Variants in CLIC5 observed in about 807,000 individuals in gnomAD.
The protein encoded by CLIC5 is CLIC family member 5.
Under a neutral mutation model 24.7 loss-of-function variants are expected in CLIC5, and 20 were observed. The observed-to-expected ratio is 0.81, with a 90% CI of 0.57 to 1.18. CLIC5 has a LOEUF of 1.18. Among genes scored for constraint, CLIC5 ranks in the 50% most tolerant of loss-of-function variants. CLIC5 has a pLI of 0.00. For missense variants in CLIC5, 341 were observed against 326.1 expected (o/e 1.05, Z -0.35); for synonymous variants, 159 against 135.6 (o/e 1.17, Z -1.20).
At chr6:46,128,126 A>C in the CLIC5 span, among the ~76,000 whole-genome samples, 1 of 152,302 alleles carries the variant, frequency 6.6e-6, no homozygotes, top group South Asian at 2.1e-4. Flanking sequence ...AAATATATAG[A>C]GGATAACAAA....
At chr6:46,112,709 C>A in the CLIC5 span, among the ~76,000 whole-genome samples, 1 of 152,080 alleles carries the variant, frequency 6.6e-6, no homozygotes, top group African/African-American at 2.4e-5. Flanking sequence ...AGTGGGGATG[C>A]AGCAAAGGTT....
At position 46,026,560 on chromosome 6, in the gene CLIC5, AC is replaced by A. The variant is rs532077312; in HGVS notation, c.540+53142del. Among the ~76,000 whole-genome samples, 19 of 152,340 alleles carry A rather than the reference AC, an allele frequency of 1.2e-4. No homozygotes were observed. The East Asian group carries it at 3.7e-3, about 29-fold the overall frequency. ...CTCCTATCCCCATAAAACTTGGTTG[AC>A]AGAAAATCAGAGAGCATTATTTTAA... On this transcript the variant is annotated intron_variant, in intron 1 of 5. Coordinates refer to the CLIC5 transcript ENST00000185206.
At chr6:45,942,781 T>G (rs902857715) in intron 3 of CLIC5, among the ~76,000 whole-genome samples, 6 of 152,358 alleles carry the variant, frequency 3.9e-5, no homozygotes, top group African/African-American at 1.4e-4. Context: ...GGGGCCATGT[T>G]AGGTGGCTGT....
chr6:45,912,640 T>G (rs1040505780), intron 5 of CLIC5: 9 of 1,521,218 alleles, frequency 5.9e-6, no homozygotes, highest in Non-Finnish European at 3.5e-6. Flanking sequence ...TGGCAGCAAA[T>G]ACAGGACCGG....
At chr6:46,049,042 T>C (rs1247089611) in intron 1 of CLIC5, among the ~76,000 whole-genome samples, 1 of 152,170 alleles carries the variant, frequency 6.6e-6, no homozygotes, top group Non-Finnish European at 1.5e-5. Flanking sequence ...GGCCTCCTGT[T>C]TGAATATCCC....
intron 1 of CLIC5, among the ~76,000 whole-genome samples, chr6:46,024,043 G>A (rs1482416841): frequency 1.3e-5 from 2 of 152,102 alleles, no homozygotes; most frequent in African/African-American, 4.8e-5. Context: ...AGCAAGGGTT[G>A]GGGGGAAAGC....
At chr6:45,992,471 A>G (rs1765975999) in intron 1 of CLIC5, among the ~76,000 whole-genome samples, 1 of 152,232 alleles carries the variant, frequency 6.6e-6, no homozygotes, top group South Asian at 2.1e-4. Context: ...TCCTTCACGG[A>G]GAGATTCTTT....
At chr6:45,989,324 T>C (rs1406348391) in intron 1 of CLIC5, among the ~76,000 whole-genome samples, 3 of 152,198 alleles carry the variant, frequency 2.0e-5, no homozygotes, top group African/African-American at 7.2e-5. Context: ...GTGGAAGCTG[T>C]AGAGCTCTAT....
In CLIC5 at chr6:45,936,200, T is replaced by C. The variant is rs934127152; in HGVS notation, c.406+5347A>G. Among the ~76,000 whole-genome samples, 18 of 136,640 alleles carry C rather than the reference T, an allele frequency of 1.3e-4. No homozygotes were observed. In the East Asian group the frequency reaches 2.1e-3, roughly 16 times the overall value. The allele number at this position is 136,640 out of a possible 152,430, so 89.6% of individuals were successfully genotyped here. On this transcript the variant is annotated intron_variant, in intron 4 of 5. Transcript: ENST00000339561. ...ACTGCTCAGAACAACGGCTGACTTTTTTTTTTTTTTTTTTTTTTTTTGAGA... is the reference window on the plus strand; with the variant it reads ...ACTGCTCAGAACAACGGCTGACTTTCTTTTTTTTTTTTTTTTTTTTTGAGA...
At chr6:45,885,490 T>A (rs974270495) in intron 6 of CLIC5, among the ~76,000 whole-genome samples, 15 of 152,174 alleles carry the variant, frequency 9.9e-5, no homozygotes, top group Admixed American at 9.2e-4. Context: ...AAGATCGTTA[T>A]TAAAAATATT....
chr6:45,981,073 C>T (rs568710517), intron 1 of CLIC5, among the ~76,000 whole-genome samples: 1 of 152,126 alleles, frequency 6.6e-6, no homozygotes, highest in South Asian at 2.1e-4. Context: ...AGGGCTCAAG[C>T]GATCTTCCCA....
chr6:45,903,974 C>A (rs536573237), intron 5 of CLIC5, among the ~76,000 whole-genome samples: 1 of 152,178 alleles, frequency 6.6e-6, no homozygotes, highest in East Asian at 1.9e-4. Flanking sequence ...TAAGCAAATA[C>A]TGATTTCTGT....
At chr6:45,995,956 G>T (rs1191879875) in intron 1 of CLIC5, among the ~76,000 whole-genome samples, 1 of 152,028 alleles carries the variant, frequency 6.6e-6, no homozygotes, top group Non-Finnish European at 1.5e-5. Context: ...ACACACACTG[G>T]GGACTGTTGA....
chr6:45,930,158 C>CA (rs1293527967), intron 4 of CLIC5, among the ~76,000 whole-genome samples: 1 of 152,208 alleles, frequency 6.6e-6, no homozygotes, highest in African/African-American at 2.4e-5. Context: ...ACCTACCCCC[C>CA]AGCAGCAGTG....
intron 4 of CLIC5, chr6:45,934,468 T>TA (rs1326764681): frequency 6.6e-6 from 1 of 152,244 alleles, no homozygotes; most frequent in African/African-American, 2.4e-5. Context: ...CTTGAAAGAC[T>TA]AAAACCATCC....
At chr6:46,018,529 G>T (rs773154939), upstream of CLIC5, among the ~76,000 whole-genome samples, 2 of 152,092 alleles carry the variant, frequency 1.3e-5, no homozygotes, top group Non-Finnish European at 2.9e-5. Flanking sequence ...AACTATTTCT[G>T]TGCATATTTT....
chr6:45,903,116 T>A lies in CLIC5; in HGVS notation c.728A>T (p.Asp243Val), dbSNP rs1470793811. 1 of 1,614,122 alleles carries A rather than the reference T, an allele frequency of 6.2e-7. No individual in the cohort carries two copies. The highest frequency in any genetic ancestry group is 1.7e-5 in the Admixed American group (1 of 60,008). The change falls in exon 6 of 6, where the codon GAT becomes GTT. Residue 243 changes from aspartate (D) to valine (V), a missense_variant. Physicochemically the swap from Asp to Val is radical, Grantham distance 152. Transcript: ENST00000339561. The part of the protein sequence containing the change: ...ADSEIELAYA[D>V]VAKRLSRS The stretch of plus-strand genomic sequence containing the variant: ...GGATCGGCTGAGGCGTTTGGCGACA[T>A]CAGCGTAGGCCAACTCGATCTCACT...
intron 3 of CLIC5, among the ~76,000 whole-genome samples, chr6:45,942,030 C>T (rs1764149758): frequency 6.6e-6 from 1 of 152,158 alleles, no homozygotes; most frequent in Non-Finnish European, 1.5e-5. Flanking sequence ...CAACACTTCC[C>T]TTACCCGCTA....
At chr6:46,040,169 T>C (rs1482750113) in intron 1 of CLIC5, among the ~76,000 whole-genome samples, 2 of 152,190 alleles carry the variant, frequency 1.3e-5, no homozygotes, top group African/African-American at 4.8e-5. Flanking sequence ...TAGGCAGCAA[T>C]AGTGGTGGTG....
Sources: gnomAD v4.1 joint callset for allele counts (sites outside exome capture counted in the v4.1 genomes callset) on GRCh38, gnomAD v4.1.1 for gene constraint, MANE v1.5 for transcripts, NCBI Gene and HGNC (gene_info 2026-07-23, HGNC 2026-07-21) for gene names.